The following SORD variants were observed in gnomAD, a reference collection of about 807,000 sequenced individuals.
SORD encodes the protein (R,R)-butanediol dehydrogenase.
A neutral mutation model predicts 35.6 loss-of-function variants in SORD; 18 were observed. The observed-to-expected ratio is 0.51, with a 90% CI of 0.35 to 0.75. The LOEUF is 0.75. SORD is among the 30% of genes least tolerant of loss of function. The pLI is 0.01. For missense variants in SORD, 250 were observed against 390.2 expected (o/e 0.64, Z 3.03); for synonymous variants, 106 against 152.9 (o/e 0.69, Z 2.26).
At chr15:45,056,917 G>A (rs142144121) in intron 3 of SORD, among the ~76,000 whole-genome samples, 42 of 152,286 alleles carry the variant, frequency 2.8e-4, no homozygotes, top group African/African-American at 9.6e-4. Flanking sequence ...ACAAGGCTGT[G>A]GTAGAAACAA....
chr15:45,069,286 A>G (rs1008213542), intron 7 of SORD, among the ~76,000 whole-genome samples: 3 of 137,772 alleles, frequency 2.2e-5, no homozygotes, highest in African/African-American at 8.2e-5. Context: ...AGCTAACTGC[A>G]AGCTCCGCCT....
At chr15:45,052,229 C>A (rs1183566962) in intron 3 of SORD, among the ~76,000 whole-genome samples, 1 of 152,314 alleles carries the variant, frequency 6.6e-6, no homozygotes, top group Non-Finnish European at 1.5e-5. Flanking sequence ...AAGCAATTGT[C>A]TGTTAGCCAG....
chr15:45,023,247 CG>C lies in SORD; in HGVS notation c.-36del, dbSNP rs760063635. ...GCCACCAGAGCGACCAAACGTCCCG[CG>C]CCTTCCAGGCCGCACTCCAGAGCCA... is the stretch of plus-strand genomic sequence containing the variant. On this transcript the variant is annotated 5_prime_UTR_variant, in exon 1 of 9. Coordinates refer to ENST00000267814, the MANE Select transcript of SORD (RefSeq NM_003104.6). 251 of 1,514,752 alleles carry C rather than the reference CG, an allele frequency of 1.7e-4. No homozygotes were observed. The highest frequency in any genetic ancestry group is 2.2e-4 in the Non-Finnish European group (248 of 1,130,430). 93.8% of individuals were successfully genotyped at this position (1,514,752 alleles called of 1,614,324 possible).
At chr15:45,066,492 T>A (rs1340369392) in intron 5 of SORD, among the ~76,000 whole-genome samples, 1 of 152,082 alleles carries the variant, frequency 6.6e-6, no homozygotes, top group Non-Finnish European at 1.5e-5. Context: ...CATCTATGAA[T>A]AAGGTAGACC....
In SORD at chr15:45,049,766, C is replaced by G. The variant is rs530476968; in HGVS notation, c.265+6345C>G. 2.0e-5 allele frequency among the ~76,000 whole-genome samples: 3 copies of G among 152,232 alleles called. No individual in the cohort carries two copies. In the East Asian group the frequency reaches 5.8e-4, roughly 29 times the overall value. ...CTCTTTTGTTTCTTCTGAGTTGCAGCCAGAGATCGCTGATTGGTTCACAGG... is the reference window on the plus strand; with the variant it reads ...CTCTTTTGTTTCTTCTGAGTTGCAGGCAGAGATCGCTGATTGGTTCACAGG... On this transcript the variant is annotated intron_variant, in intron 3 of 8. Coordinates refer to ENST00000267814, the MANE Select transcript of SORD (RefSeq NM_003104.6).
At chr15:45,052,104 C>T (rs1205282387) in intron 3 of SORD, among the ~76,000 whole-genome samples, 1 of 152,124 alleles carries the variant, frequency 6.6e-6, no homozygotes, top group Non-Finnish European at 1.5e-5. Flanking sequence ...CCTTACACAC[C>T]TTGCATGTAA....
At chr15:45,066,157 A>T (rs1471304088) in intron 5 of SORD, among the ~76,000 whole-genome samples, 1 of 150,610 alleles carries the variant, frequency 6.6e-6, no homozygotes, top group Non-Finnish European at 1.5e-5. Flanking sequence ...AGACAGGAGA[A>T]TCACTTGAAC....
intron 1 of SORD, among the ~76,000 whole-genome samples, chr15:45,037,279 T>C (rs575404068): frequency 2.0e-5 from 3 of 152,352 alleles, no homozygotes; most frequent in Admixed American, 6.5e-5. Context: ...CACTGCAGCT[T>C]TGCTGTGTGG....
At chr15:45,023,443 C>A (rs1892621430) in intron 1 of SORD, 94 bp downstream of exon 1, 2 of 1,150,786 alleles carry the variant, frequency 1.7e-6, no homozygotes, top group South Asian at 2.2e-5. Context: ...CAGCCTGGCG[C>A]CGGCCCCGCA....
At chr15:45,038,913 C>T (rs1892918980) in intron 1 of SORD, among the ~76,000 whole-genome samples, 1 of 152,188 alleles carries the variant, frequency 6.6e-6, no homozygotes, top group African/African-American at 2.4e-5. Flanking sequence ...CATCTCTTTG[C>T]ACCACCCCTG....
At chr15:45,035,035 C>A (rs2141265812) in intron 1 of SORD, among the ~76,000 whole-genome samples, 1 of 152,276 alleles carries the variant, frequency 6.6e-6, no homozygotes, top group East Asian at 1.9e-4. Flanking sequence ...GCCGGCGCTG[C>A]GCTCGATTTC....
chr15:45,048,016 T>C (rs571025852), intron 3 of SORD, among the ~76,000 whole-genome samples: 7 of 152,358 alleles, frequency 4.6e-5, no homozygotes, highest in African/African-American at 1.7e-4. Flanking sequence ...ATGGAGGCCA[T>C]TGCTGTATTG....
At chr15:45,063,263 C>A (rs1054628770) in intron 4 of SORD, among the ~76,000 whole-genome samples, 2 of 151,996 alleles carry the variant, frequency 1.3e-5, no homozygotes, top group African/African-American at 4.8e-5. Context: ...TATCTATTTT[C>A]TTTCTATTTT....
Position 45,073,588 on chromosome 15 carries a change from G to T in SORD, c.*58G>T, listed in dbSNP as rs1366042413. The T allele has an allele frequency of 2.6e-6, 4 of 1,554,356 alleles. 1 individual carries two copies. The highest frequency in any genetic ancestry group is 3.5e-6 in the Non-Finnish European group (4 of 1,155,886). ...TTGGGATCTCAGGGCACAATGGCTG[G>T]ACATGGGTGGGCTCTGATGCAGAAC... On this transcript the variant is annotated 3_prime_UTR_variant, in exon 9 of 9. Coordinates refer to ENST00000267814, the MANE Select transcript of SORD (RefSeq NM_003104.6).
At chr15:45,047,015 C>G (rs534155145) in intron 3 of SORD, 3 of 152,262 alleles carry the variant, frequency 2.0e-5, no homozygotes, top group Non-Finnish European at 2.9e-5. Context: ...AAGACTCTGT[C>G]TCAAATAAAT....
At chr15:45,061,801 G>A (rs895928386) in intron 4 of SORD, among the ~76,000 whole-genome samples, 3 of 151,976 alleles carry the variant, frequency 2.0e-5, no homozygotes, top group African/African-American at 7.2e-5. Flanking sequence ...CACGGGAGGT[G>A]GAGGTTGCAG....
chr15:45,041,281 C>A (rs1434228967), intron 2 of SORD, among the ~76,000 whole-genome samples: 1 of 152,106 alleles, frequency 6.6e-6, no homozygotes, highest in Non-Finnish European at 1.5e-5. Context: ...TCTAATCCCT[C>A]CCATCCCTGG....
chr15:45,034,845 A>C (rs948503492), intron 1 of SORD, among the ~76,000 whole-genome samples: 15 of 152,204 alleles, frequency 9.9e-5, no homozygotes, highest in African/African-American at 3.4e-4. Context: ...GAGAGGCGCG[A>C]GCGGAAACCG....
intron 3 of SORD, among the ~76,000 whole-genome samples, chr15:45,060,719 G>A (rs1209588636): frequency 7.2e-6 from 1 of 139,460 alleles, no homozygotes; most frequent in Non-Finnish European, 1.5e-5. Context: ...GCTTGCCTTA[G>A]CTGGGAAGTG....
Sources: allele counts gnomAD v4.1 joint callset (sites outside exome capture counted in the v4.1 genomes callset), GRCh38; gene constraint gnomAD v4.1.1; transcripts MANE v1.5; gene names NCBI Gene and HGNC (gene_info 2026-07-23, HGNC 2026-07-21).